Variants in URI1 observed in about 807,000 individuals in gnomAD.
The protein encoded by URI1 is unconventional prefoldin RPB5 interactor 1.
Under a neutral mutation model 60.2 loss-of-function variants are expected in URI1, and 39 were observed. That is an observed-to-expected ratio of 0.65 (90% CI 0.50 to 0.85). The LOEUF (loss-of-function observed/expected upper bound fraction) is 0.85. Ranked by LOEUF, URI1 falls within the 40% of genes least tolerant of loss-of-function variation. The pLI is 0.00. For missense variants in URI1, 691 were observed against 665.9 expected, an observed-to-expected ratio of 1.04 and a Z score of -0.42; for synonymous variants, 251 against 236.8, an observed-to-expected ratio of 1.06 and a Z score of -0.55.
Position 30,012,369 on chromosome 19 carries a change from C to A in URI1, c.1263C>A (p.Ser421Arg), listed in dbSNP as rs371849144. The change falls in exon 10 of 11, where the codon AGC (serine) becomes AGA (arginine). Residue 421 changes from serine to arginine, a missense_variant. Ser to Arg is a moderately radical substitution (Grantham distance 110). Transcript: ENST00000392271. ...GAAGTAGAGAGAATAGTGTGTGTAG[C>A]GACACTAGTGAAAGCAGTGCTGCTG... ...KSRSRENSVCSDTSESSAAEF... is the reference protein window; with the variant it reads ...KSRSRENSVCRDTSESSAAEF... 6.2e-7 allele frequency: 1 copy of A among 1,614,144 alleles called. No homozygotes were observed. The highest frequency in any genetic ancestry group is 2.2e-5 in the East Asian group (1 of 44,876).
chr19:29,972,595 T>G (rs779495582), intron 2 of URI1, among the ~76,000 whole-genome samples: 13 of 152,150 alleles, frequency 8.5e-5, no homozygotes, highest in Admixed American at 4.6e-4. Context: ...TTTATAAGAT[T>G]CTTATTAGAG....
chr19:30,000,949 T>A (rs1404243767), intron 4 of URI1, among the ~76,000 whole-genome samples: 2 of 152,014 alleles, frequency 1.3e-5, no homozygotes, highest in African/African-American at 2.4e-5. Flanking sequence ...ACTTTAAAAT[T>A]TTCCTGTACA....
At chr19:29,954,518 T>G (rs994872058) in intron 1 of URI1, among the ~76,000 whole-genome samples, 2 of 148,278 alleles carry the variant, frequency 1.3e-5, no homozygotes, top group African/African-American at 5.0e-5. Context: ...AAACTTTTTT[T>G]TTTTTTTTTT....
chr19:29,977,446 G>C (rs2055537332), intron 2 of URI1, among the ~76,000 whole-genome samples: 1 of 151,792 alleles, frequency 6.6e-6, no homozygotes, highest in African/African-American at 2.4e-5. Flanking sequence ...TACAGTGTTA[G>C]GTAGATTTGT....
intron 1 of URI1, among the ~76,000 whole-genome samples, chr19:29,962,160 T>C (rs1248727891): frequency 1.3e-5 from 2 of 152,172 alleles, no homozygotes; most frequent in Non-Finnish European, 2.9e-5. Context: ...GGCATTTGCA[T>C]TGGCTGTTTT....
chr19:29,944,164 T>G (rs1382240447), intron 1 of URI1, among the ~76,000 whole-genome samples: 1 of 70,326 alleles, frequency 1.4e-5, no homozygotes, highest in African/African-American at 7.5e-5. Flanking sequence ...TATATATATA[T>G]ATATATATAT....
intron 4 of URI1, among the ~76,000 whole-genome samples, chr19:29,999,249 A>G (rs1236492673): frequency 6.6e-6 from 1 of 152,054 alleles, no homozygotes; most frequent in Non-Finnish European, 1.5e-5. Flanking sequence ...ATTTTTGCCT[A>G]TGTGTTTACC....
intron 4 of URI1, among the ~76,000 whole-genome samples, chr19:29,991,008 TAGTGTTCCTTAC>T (rs1416875059): frequency 6.6e-6 from 1 of 152,202 alleles, no homozygotes; most frequent in Admixed American, 6.5e-5. Context: ...TGTAGCATTA[TAGTGTTCCTTAC>T]AGTGTTCCTT....
upstream of URI1, among the ~76,000 whole-genome samples, chr19:29,941,181 T>C (rs2055019606): frequency 6.6e-6 from 1 of 152,210 alleles, no homozygotes; most frequent in Admixed American, 6.5e-5. Context: ...TAGACTTGTC[T>C]GTATGATGTG....
intron 4 of URI1, among the ~76,000 whole-genome samples, chr19:30,000,893 A>G (rs2055869989): frequency 6.6e-6 from 1 of 151,736 alleles, no homozygotes; most frequent in African/African-American, 2.4e-5. Flanking sequence ...CCTTGTTGTA[A>G]TTTTTGAAGT....
intron 1 of URI1, among the ~76,000 whole-genome samples, chr19:29,924,166 GT>G (rs2054845804): frequency 1.3e-5 from 2 of 152,144 alleles, no homozygotes. Flanking sequence ...GAGGGCAGAT[GT>G]TTTTTACTCG....
At position 30,007,479 on chromosome 19, in the gene URI1, G is replaced by T. The variant is rs772890952; in HGVS notation, c.527G>T (p.Arg176Leu). 1 of 1,612,284 alleles carries T rather than the reference G, an allele frequency of 6.2e-7. No homozygotes were observed. Among genetic ancestry groups the T allele is most frequent in the Non-Finnish European group, 8.5e-7 (1 of 1,179,086 alleles). ...KCDFEFKAKH[R>L]IAHKPHSKPK... ...TCCTTTTTCTAAATAGCAAAACACC[G>T]AATTGCTCATAAACCGCATTCCAAA... is the stretch of plus-strand genomic sequence containing the variant. The change falls in exon 7 of 11, where the codon CGA (arginine) becomes CTA (leucine). Residue 176 changes from arginine to leucine, a missense_variant. Coordinates refer to ENST00000392271, the MANE Select transcript of URI1 (RefSeq NM_003796.3).
intron 8 of URI1, among the ~76,000 whole-genome samples, chr19:30,009,807 T>C (rs552115773): frequency 1.3e-5 from 2 of 152,320 alleles, no homozygotes; most frequent in African/African-American, 4.8e-5. Context: ...AAGTAAAAAT[T>C]AGTTTCTTTT....
chr19:29,926,852 G>A (rs2145188690), intron 1 of URI1, among the ~76,000 whole-genome samples: 2 of 152,320 alleles, frequency 1.3e-5, no homozygotes, highest in East Asian at 3.9e-4. Context: ...GGGAAGTTTT[G>A]TGGCTCCCTA....
intron 1 of URI1, among the ~76,000 whole-genome samples, chr19:29,926,627 T>G (rs1184442332): frequency 6.6e-6 from 1 of 152,214 alleles, no homozygotes; most frequent in Admixed American, 6.5e-5. Flanking sequence ...TATACAGGAT[T>G]GCTCACTTTG....
intron 1 of URI1, among the ~76,000 whole-genome samples, chr19:29,953,304 C>T (rs1306382197): frequency 6.6e-6 from 1 of 152,108 alleles, no homozygotes; most frequent in Middle Eastern, 3.2e-3. Flanking sequence ...TCATTAGTCA[C>T]ATTTGGCTAT....
At chr19:29,979,892 A>T (rs772132766) in intron 2 of URI1, among the ~76,000 whole-genome samples, 6 of 152,198 alleles carry the variant, frequency 3.9e-5, no homozygotes, top group Non-Finnish European at 8.8e-5. Flanking sequence ...TTAGAAAAAA[A>T]GTGTAATGCT....
chr19:29,986,354 G>T lies in URI1; in HGVS notation c.304G>T (p.Asp102Tyr). The T allele has an allele frequency of 3.1e-6, 5 of 1,610,664 alleles. No homozygotes were observed. Among genetic ancestry groups the T allele is most frequent in the Non-Finnish European group, 4.2e-6 (5 of 1,179,462 alleles). Residue 102 changes from aspartate (D) to tyrosine (Y), a missense_variant, in exon 4 of 11, where the codon GAC becomes TAC. Physicochemically the swap from Asp to Tyr is radical, Grantham distance 160 (BLOSUM62 -3). Transcript: ENST00000392271. ...HTNEVTVLLG[D>Y]NWFAKCSAKQ... is the part of the protein sequence containing the mutation. ...TAATGAAGTCACTGTTTTACTGGGG[G>T]ACAACTGGTTTGCAAAGTGCTCAGC...
intron 4 of URI1, among the ~76,000 whole-genome samples, chr19:29,996,953 G>C (rs117977021): frequency 5.8e-4 from 89 of 152,244 alleles, no homozygotes; most frequent in East Asian, 3.1e-3. Context: ...GGGTGTGGCA[G>C]AGATCATTCT....
Sources: allele counts gnomAD v4.1 joint callset (sites outside exome capture counted in the v4.1 genomes callset), GRCh38; gene constraint gnomAD v4.1.1; transcripts MANE v1.5; gene names NCBI Gene and HGNC (gene_info 2026-07-23, HGNC 2026-07-21).